SETX: variants seen among roughly 807,000 people sequenced by gnomAD.
The protein encoded by SETX is helicase senataxin.
A neutral mutation model predicts 227.2 loss-of-function variants in SETX; 90 were observed. That is an observed-to-expected ratio of 0.40 (90% CI 0.33 to 0.47). SETX has a LOEUF of 0.47. Ranked by LOEUF, SETX falls within the 20% of genes least tolerant of loss-of-function variation. The pLI, the probability that SETX is intolerant of heterozygous loss-of-function variation, is 0.91. For missense variants in SETX, 3,052 were observed against 3,181.5 expected, an observed-to-expected ratio of 0.96 and a Z score of 0.98; for synonymous variants, 1,210 against 1,113.2, an observed-to-expected ratio of 1.09 and a Z score of -1.73.
At position 132,318,210 on chromosome 9, in the gene SETX, T is replaced by C. The variant is rs1194481095; in HGVS notation, c.5275-6354A>G. 2.6e-5 allele frequency among the ~76,000 whole-genome samples: 4 copies of C among 152,228 alleles called. No homozygotes were observed. In the East Asian group the frequency reaches 5.8e-4, roughly 22 times the overall value. On this transcript the variant is annotated intron_variant, in intron 10 of 25. Coordinates refer to ENST00000224140, the MANE Select transcript of SETX (RefSeq NM_015046.7). ...TCCTCTATCCCCAACTAGCTCCTGT[T>C]TGTTGTTCTTTATGGTTTCTCCTTC...
chr9:132,286,425 CTT>C lies in SETX; in HGVS notation c.6392_6393del (p.Lys2131ArgfsTer33). 6.2e-7 allele frequency: 1 copy of C among 1,609,896 alleles called. No homozygotes were observed. On this transcript the variant is annotated frameshift_variant, in exon 18 of 26. Transcript: ENST00000224140. LOFTEE classifies it high-confidence loss of function. ...AATGCTACAGGTGAACTACTTACCT[CTT>C]TAATTTTAGAAGCAAGTTCCTGCCT... ...KERQELASKI[K>X]EVQGRPQKTQ...
rs193271071 is a variant in SETX, at chr9:132,302,433, G to A, written c.5375-1630C>T. On this transcript the variant is annotated intron_variant, in intron 11 of 25. Transcript: ENST00000224140. The stretch of plus-strand genomic sequence containing the variant: ...CCAGCACTTTGGGAGGCCGAGACGG[G>A]CGGATCACCTGAGGTCAGGCGTTTG... 1.6e-3 allele frequency among the ~76,000 whole-genome samples: 235 copies of A among 150,794 alleles called. 1 individual carries two copies. The highest frequency in any genetic ancestry group is 5.3e-3 in the African/African-American group (217 of 41,028).
rs148568105 is a variant in SETX, at chr9:132,295,965, C to G, written c.6013G>C (p.Val2005Leu). The change falls in exon 15 of 26, where the codon GTG (valine) becomes CTG (leucine). Residue 2005 changes from valine (V) to leucine (L), a missense_variant. Val to Leu is a conservative substitution (Grantham distance 32). This residue lies in a region of SETX where 412 missense variants were observed against 589.0 expected (regional missense o/e 0.70). Coordinates refer to ENST00000224140, the MANE Select transcript of SETX (RefSeq NM_015046.7). ...ACAGCTGCATTGGAAGGTGCACACA[C>G]GAGGACACGGTTTTGTTTGATTTTG... ...NAKIKQNRVL[V>L]CAPSNAAVDE... 3.7e-6 allele frequency: 6 copies of G among 1,614,014 alleles called. No individual in the cohort carries two copies. The highest frequency in any genetic ancestry group is 2.7e-5 in the African/African-American group (2 of 74,910).
intron 10 of SETX, among the ~76,000 whole-genome samples, chr9:132,312,078 T>G (rs574482521): frequency 1.2e-4 from 18 of 152,198 alleles, no homozygotes; most frequent in Non-Finnish European, 2.5e-4. Context: ...ATAAAAATGT[T>G]AAAAAATAAA....
rs758256901 is a variant in SETX, at chr9:132,281,522, T to C, written c.6599A>G (p.Asn2200Ser). 9 of 1,614,050 alleles carry C rather than the reference T, an allele frequency of 5.6e-6. No individual in the cohort carries two copies. Among genetic ancestry groups the C allele is most frequent in the South Asian group, 1.1e-5 (1 of 91,082 alleles). The change falls in exon 20 of 26, where the codon AAT (asparagine) becomes AGT (serine). Residue 2200 changes from asparagine (N) to serine (S), a missense_variant. By Grantham distance (46) the Asn-to-Ser change is conservative. Around this residue, in one of 10 missense-constraint regions of SETX, gnomAD observed 412 missense variants for 589.0 expected, o/e 0.70. Transcript: ENST00000224140. The part of the protein sequence containing the change: ...ETLTPLIHRC[N>S]KLILVGDPKQ... Reference sequence around the variant, plus strand: ...AGGATCTCCTACTAGGATGAGCTTATTGCAGCGATGGATGAGTGGAGTAAG... The same window carrying C: ...AGGATCTCCTACTAGGATGAGCTTACTGCAGCGATGGATGAGTGGAGTAAG...
At chr9:132,293,829 T>C (rs942007858) in intron 15 of SETX, among the ~76,000 whole-genome samples, 5 of 152,120 alleles carry the variant, frequency 3.3e-5, no homozygotes, top group Non-Finnish European at 7.4e-5. Context: ...GAGACCATCC[T>C]GGCTAACACG....
At chr9:132,331,481 A>C in intron 7 of SETX, 33 bp from the exon 8 acceptor site, 2 of 1,602,314 alleles carry the variant, frequency 1.2e-6, no homozygotes, top group Non-Finnish European at 1.7e-6. Context: ...TTGAATTACT[A>C]AACAGTTAGA....
rs770609067 is a variant in SETX, at chr9:132,329,025, G to C, written c.2573C>G (p.Ser858Cys). 5 of 1,607,520 alleles carry C rather than the reference G, an allele frequency of 3.1e-6. No individual in the cohort carries two copies. Among genetic ancestry groups the C allele is most frequent in the Non-Finnish European group, 4.2e-6 (5 of 1,177,650 alleles). Reference sequence around the variant, plus strand: ...CTCTTTTGGCAATACATTGTTTTGAGATTTTTGTTCTCCATTCTTATCATC... The same window carrying C: ...CTCTTTTGGCAATACATTGTTTTGACATTTTTGTTCTCCATTCTTATCATC... The part of the protein sequence containing the change: ...VLDDKNGEQK[S>C]QNNVLPKEKQ... The change falls in exon 10 of 26, where the codon TCT (serine) becomes TGT (cysteine). Residue 858 changes from serine to cysteine, a missense_variant. This residue lies in a region of SETX where 1,483 missense variants were observed against 1,312.0 expected (regional missense o/e 1.13). Coordinates refer to ENST00000224140, the MANE Select transcript of SETX (RefSeq NM_015046.7).
chr9:132,277,930 C>T (rs1273276337), intron 21 of SETX, 140 bp downstream of exon 21: 3 of 810,876 alleles, frequency 3.7e-6, no homozygotes, highest in South Asian at 3.1e-5. Context: ...AACATGATGG[C>T]TATTATAACA....
intron 6 of SETX, among the ~76,000 whole-genome samples, chr9:132,335,321 G>A (rs1847543593): frequency 1.4e-5 from 2 of 143,904 alleles, no homozygotes; most frequent in African/African-American, 5.1e-5. Context: ...AACCCAGGAG[G>A]CGGATCTTGC....
At chr9:132,342,449 C>T (rs1287567914) in intron 5 of SETX, among the ~76,000 whole-genome samples, 1 of 152,178 alleles carries the variant, frequency 6.6e-6, no homozygotes, top group Non-Finnish European at 1.5e-5. Flanking sequence ...ACTGAAAGGA[C>T]ATCAAGTTAT....
intron 11 of SETX, among the ~76,000 whole-genome samples, chr9:132,309,743 C>T (rs1845541988): frequency 6.6e-6 from 1 of 151,746 alleles, no homozygotes; most frequent in Non-Finnish European, 1.5e-5. Context: ...AAAATCAATA[C>T]ATGGGGTAGG....
intron 10 of SETX, among the ~76,000 whole-genome samples, chr9:132,314,849 T>C (rs1038043562): frequency 1.3e-5 from 2 of 150,822 alleles, no homozygotes; most frequent in Non-Finnish European, 3.0e-5. Flanking sequence ...TTTGTGTGTG[T>C]GACCCCAAGA....
chr9:132,335,154 G>C (rs567506794), intron 6 of SETX, among the ~76,000 whole-genome samples: 1 of 151,946 alleles, frequency 6.6e-6, no homozygotes, highest in Non-Finnish European at 1.5e-5. Context: ...ACTTTGGGAG[G>C]CCAAGGCGGG....
chr9:132,296,226 G>T (rs570836097), intron 14 of SETX, among the ~76,000 whole-genome samples, 198 bp from the exon 15 acceptor site: 1 of 152,326 alleles, frequency 6.6e-6, no homozygotes, highest in African/African-American at 2.4e-5. Flanking sequence ...TAACTGCTCT[G>T]AGCCTTACTT....
intron 11 of SETX, among the ~76,000 whole-genome samples, chr9:132,311,502 C>G (rs946361247): frequency 7.2e-5 from 11 of 152,264 alleles, no homozygotes; most frequent in Middle Eastern, 3.4e-3. Flanking sequence ...CACTCACCCT[C>G]TCTCCCATTC....
chr9:132,353,214 T>C (rs1848690588), intron 2 of SETX, among the ~76,000 whole-genome samples: 1 of 152,138 alleles, frequency 6.6e-6, no homozygotes, highest in Non-Finnish European at 1.5e-5. Context: ...CATCATCTCT[T>C]TCCTCCACAC....
chr9:132,334,820 G>A (rs1847489071), intron 6 of SETX, 93 bp from the exon 7 acceptor site: 2 of 1,358,316 alleles, frequency 1.5e-6, no homozygotes, highest in African/African-American at 1.4e-5. Flanking sequence ...GCAGGAAGAT[G>A]AAGCAAGATA....
At chr9:132,272,973 T>C (rs986306318) in intron 23 of SETX, among the ~76,000 whole-genome samples, 8 of 152,172 alleles carry the variant, frequency 5.3e-5, no homozygotes, top group African/African-American at 1.7e-4. Flanking sequence ...TGGCTGGGCA[T>C]GGTAGCTCAT....
Sources: allele counts gnomAD v4.1 joint callset (sites outside exome capture counted in the v4.1 genomes callset), GRCh38; gene constraint gnomAD v4.1.1; regional missense constraint gnomAD v4.1.1; transcripts MANE v1.5; gene names NCBI Gene and HGNC (gene_info 2026-07-23, HGNC 2026-07-21).